EIF4E2: variants seen among roughly 807,000 people sequenced by gnomAD.
The protein encoded by EIF4E2 is eukaryotic translation initiation factor 4E type 2.
EIF4E2 carries 13 observed loss-of-function variants against 34.2 expected under a neutral mutation model. The ratio of observed to expected loss-of-function variants is 0.38; its 90% confidence interval spans 0.25 to 0.60. The LOEUF (loss-of-function observed/expected upper bound fraction) is 0.60, where lower values mean the gene tolerates loss of function less well. EIF4E2 is among the 20% of genes least tolerant of loss of function. The probability of loss-of-function intolerance (pLI) is 0.62; values close to 1 mark genes in which losing one functional copy is unlikely to be tolerated. For missense variants in EIF4E2, 222 were observed against 315.1 expected (o/e 0.70, Z 2.24); for synonymous variants, 100 against 106.6 (o/e 0.94, Z 0.38).
At chr2:232,574,180 T>C, downstream of EIF4E2, 1 of 1,337,132 alleles carries the variant, frequency 7.5e-7, no homozygotes, top group East Asian at 2.5e-5. Flanking sequence ...TGAAGGGGGA[T>C]GTGGGGTTAT....
chr2:232,557,829 A>T, intron 2 of EIF4E2, 55 bp from the exon 3 acceptor site: 3 of 1,585,394 alleles, frequency 1.9e-6, no homozygotes, highest in Non-Finnish European at 2.6e-6. Context: ...ATGTTCTCTC[A>T]GTCTCAGACC....
At chr2:232,571,154 A>T (rs998867381), downstream of EIF4E2, among the ~76,000 whole-genome samples, 2 of 152,054 alleles carry the variant, frequency 1.3e-5, no homozygotes, top group African/African-American at 4.8e-5. Flanking sequence ...CCCCAGTCAC[A>T]CTGCTTGTGG....
At chr2:232,558,164 C>A in intron 3 of EIF4E2, 146 bp downstream of exon 3, 1 of 1,054,866 alleles carries the variant, frequency 9.5e-7, no homozygotes, top group Non-Finnish European at 1.3e-6. Flanking sequence ...CAGATTTGTT[C>A]ATTCTTAGGT....
At position 232,566,886 on chromosome 2, in the gene EIF4E2, T is replaced by C. The variant is rs1340876805; in HGVS notation, c.433T>C (p.Ser145Pro). The C allele has an allele frequency of 1.2e-6, 2 of 1,613,710 alleles. No homozygotes were observed. Among genetic ancestry groups the C allele is most frequent in the Non-Finnish European group, 1.7e-6 (2 of 1,179,904 alleles). ...TATTCGGCTGCGGAAGGGCTTGGCC[T>C]CCCGTTGCTGGGAGAATCTCATTTT... Reference protein sequence around the residue: ...WIIRLRKGLASRCWENLILAM... With the variant: ...WIIRLRKGLAPRCWENLILAM... The change falls in exon 5 of 7, where the codon TCC becomes CCC. Residue 145 changes from serine to proline, a missense_variant. Physicochemically the swap from Ser to Pro is moderately conservative, Grantham distance 74. Around this residue, in one of 3 missense-constraint regions of EIF4E2, gnomAD observed 105 missense variants for 195.1 expected, o/e 0.54. Transcript: ENST00000258416. This position sits in a 1 kb window ranked among gnomAD's most constrained non-coding sequence, Gnocchi z 4.9.
At chr2:232,552,854 A>G (rs144182397) in intron 1 of EIF4E2, among the ~76,000 whole-genome samples, 42 of 152,202 alleles carry the variant, frequency 2.8e-4, no homozygotes, top group African/African-American at 9.9e-4. Context: ...TGAAAACAGC[A>G]CTCCTGCCCC....
intron 6 of EIF4E2, 86 bp downstream of exon 6, chr2:232,567,300 CAGG>C (rs1255763371): frequency 6.3e-7 from 1 of 1,578,006 alleles, no homozygotes; most frequent in Non-Finnish European, 8.6e-7. Flanking sequence ...TATGGCCGGA[CAGG>C]AGACTTACTT....
intron 3 of EIF4E2, among the ~76,000 whole-genome samples, chr2:232,559,827 A>T (rs932678917): frequency 9.0e-4 from 80 of 88,990 alleles, no homozygotes; most frequent in Non-Finnish European, 1.2e-3. Context: ...GGAGCATTAA[A>T]AAAAAAAAAA....
chr2:232,565,259 C>T (rs914991524), intron 4 of EIF4E2, among the ~76,000 whole-genome samples: 10 of 152,248 alleles, frequency 6.6e-5, no homozygotes, highest in African/African-American at 1.9e-4. Flanking sequence ...ACCCTCCTGT[C>T]AGTTTATGCA....
In EIF4E2 at chr2:232,556,731, G is replaced by C. The variant is rs561382574; in HGVS notation, c.135+201G>C. ...CTTTTCTCTTGCCACAGAATCTTGA[G>C]ATGCTGCCTTGCTTTCAACGTTCTC... On this transcript the variant is annotated intron_variant, in intron 2 of 6. Coordinates refer to ENST00000258416, the MANE Select transcript of EIF4E2 (RefSeq NM_004846.4). 12 of 537,328 alleles carry C rather than the reference G, an allele frequency of 2.2e-5. No individual in the cohort carries two copies. In the African/African-American group the frequency reaches 2.3e-4, roughly 10 times the overall value. The allele number at this position is 537,328 out of a possible 1,614,324, so 33.3% of individuals were successfully genotyped here.
chr2:232,574,092 C>T (rs757542076), downstream of EIF4E2: 10 of 747,310 alleles, frequency 1.3e-5, no homozygotes, highest in South Asian at 1.2e-4. Flanking sequence ...CTGCTCTGCT[C>T]CTCGGAAAGG....
intron 6 of EIF4E2, among the ~76,000 whole-genome samples, chr2:232,580,296 A>T (rs556630304): frequency 1.1e-4 from 17 of 152,294 alleles, no homozygotes; most frequent in Admixed American, 3.9e-4. Flanking sequence ...ATATAAGACC[A>T]GGTGAATCAT....
chr2:232,564,425 A>G, intron 4 of EIF4E2, 74 bp downstream of exon 4: 1 of 743,900 alleles, frequency 1.3e-6, no homozygotes, highest in Non-Finnish European at 2.2e-6. Flanking sequence ...AGCCCTGCCA[A>G]GGTTAAAAGT....
rs1346304376 is a variant in EIF4E2 at position 232,566,492 on chromosome 2, C to T, written c.376-337C>T. The stretch of plus-strand genomic sequence containing the variant: ...GGCGTGAGCCACTGCGCCCAGCAGA[C>T]ATTCAGTACTTTTAGCAAGTAAACG... On this transcript the variant is annotated intron_variant, in intron 4 of 6. Coordinates refer to ENST00000258416, the MANE Select transcript of EIF4E2 (RefSeq NM_004846.4). This position sits in a 1 kb window ranked among gnomAD's most constrained non-coding sequence, Gnocchi z 4.9. Among the ~76,000 whole-genome samples the T allele has an allele frequency of 6.6e-6, 1 of 152,202 alleles. No homozygotes were observed. Among genetic ancestry groups the T allele is most frequent in the Non-Finnish European group, 1.5e-5 (1 of 68,024 alleles).
intron 6 of EIF4E2, among the ~76,000 whole-genome samples, chr2:232,575,323 T>A (rs1159314831): frequency 1.2e-5 from 1 of 85,310 alleles, no homozygotes; most frequent in Admixed American, 9.5e-5. Context: ...GGTGTAGGTA[T>A]GATATACAGA....
chr2:232,582,916 A>G (rs1574683347), exon 7 of EIF4E2: 1 of 152,296 alleles, frequency 6.6e-6, no homozygotes, highest in Admixed American at 6.5e-5. Flanking sequence ...TTCCATCAAA[A>G]ACATACTGGC....
chr2:232,564,717 CTGGGA>C (rs1692854439), intron 4 of EIF4E2, among the ~76,000 whole-genome samples: 1 of 152,212 alleles, frequency 6.6e-6, no homozygotes, highest in Non-Finnish European at 1.5e-5. Flanking sequence ...TCCCAAAATG[CTGGGA>C]TTACAGGCGT....
At chr2:232,577,890 G>C (rs2106257362) in intron 6 of EIF4E2, among the ~76,000 whole-genome samples, 1 of 152,324 alleles carries the variant, frequency 6.6e-6, no homozygotes. Context: ...GCTTTTAAAA[G>C]AACAGAAGCA....
Position 232,569,101 on chromosome 2 carries a change from C to A in EIF4E2, c.*84C>A. ...CTGTTGGCGTGCTACCTGGAAGATC[C>A]TTCTGTCCTGGACAAGAGGAATTGG... is the stretch of plus-strand genomic sequence containing the variant. On this transcript the variant is annotated 3_prime_UTR_variant, in exon 7 of 7. Coordinates refer to ENST00000258416, the MANE Select transcript of EIF4E2 (RefSeq NM_004846.4). 1 of 1,570,174 alleles carries A rather than the reference C, an allele frequency of 6.4e-7. No individual in the cohort carries two copies.
At chr2:232,558,060 G>C (rs760143860) in intron 3 of EIF4E2, 42 bp downstream of exon 3, 9 of 1,607,254 alleles carry the variant, frequency 5.6e-6, no homozygotes, top group Middle Eastern at 3.3e-4. Flanking sequence ...TTGATAGTTC[G>C]TTCATGCCTG....
Sources: allele counts gnomAD v4.1 joint callset (sites outside exome capture counted in the v4.1 genomes callset), GRCh38; gene constraint gnomAD v4.1.1; regional missense constraint gnomAD v4.1.1; non-coding constraint Gnocchi (gnomAD v3.1); transcripts MANE v1.5; gene names NCBI Gene and HGNC (gene_info 2026-07-23, HGNC 2026-07-21).